SCHIP1: variants seen among roughly 807,000 people sequenced by gnomAD.
SCHIP1 encodes the protein schwannomin-interacting protein 1.
In SCHIP1, 8 loss-of-function variants were observed where a neutral mutation model predicts 29.7. The observed-to-expected ratio is 0.27, with a 90% confidence interval of 0.16 to 0.49. The LOEUF (loss-of-function observed/expected upper bound fraction) is 0.49. Ranked by LOEUF, SCHIP1 falls within the 20% of genes least tolerant of loss-of-function variation. The pLI is 0.99. For synonymous variants in SCHIP1, 76 were observed against 94.9 expected (o/e 0.80, Z 1.16); for missense variants, 193 against 294.6 (o/e 0.66, Z 2.52).
At chr3:159,705,349 G>A in the SCHIP1 span, among the ~76,000 whole-genome samples, 2 of 152,112 alleles carry the variant, frequency 1.3e-5, no homozygotes, top group African/African-American at 4.8e-5. Context: ...AGGAAAGTAG[G>A]ATGGTTAAAT....
chr3:159,404,235 T>C, the SCHIP1 span, among the ~76,000 whole-genome samples: 5 of 152,112 alleles, frequency 3.3e-5, no homozygotes, highest in African/African-American at 1.2e-4. Flanking sequence ...AAGGAATCCT[T>C]CTGCTTGAGA....
chr3:159,837,312 G>A (rs570950954), upstream of SCHIP1, among the ~76,000 whole-genome samples: 1 of 152,318 alleles, frequency 6.6e-6, no homozygotes, highest in East Asian at 1.9e-4. Context: ...TGAAGTTAGA[G>A]CTGTTCTGTC....
At chr3:159,844,255 T>A (rs1711518032) in intron 1 of SCHIP1, among the ~76,000 whole-genome samples, 1 of 152,178 alleles carries the variant, frequency 6.6e-6, no homozygotes, top group African/African-American at 2.4e-5. Flanking sequence ...TCTAAATGGA[T>A]GATTTGTTTT....
chr3:159,546,923 T>C, the SCHIP1 span, among the ~76,000 whole-genome samples: 3 of 152,190 alleles, frequency 2.0e-5, no homozygotes, highest in East Asian at 5.8e-4. Context: ...TTATAATCCT[T>C]TGGGTATATA....
At chr3:159,713,232 GGA>G in the SCHIP1 span, among the ~76,000 whole-genome samples, 3 of 99,410 alleles carry the variant, frequency 3.0e-5, no homozygotes, top group East Asian at 2.7e-4. Flanking sequence ...GAGAAAGAAA[GGA>G]AGAAAGAAAG....
chr3:159,813,934 G>C, the SCHIP1 span, among the ~76,000 whole-genome samples: 1 of 152,176 alleles, frequency 6.6e-6, no homozygotes, highest in African/African-American at 2.4e-5. Context: ...ATAGAAAACA[G>C]ACAACTATCC....
At chr3:159,646,359 T>G in the SCHIP1 span, among the ~76,000 whole-genome samples, 80 of 152,280 alleles carry the variant, frequency 5.3e-4, no homozygotes, top group Non-Finnish European at 3.2e-4. Flanking sequence ...ACAGGGGCAG[T>G]GTAATGTCTT....
the SCHIP1 span, among the ~76,000 whole-genome samples, chr3:159,385,847 C>A: frequency 1.3e-5 from 2 of 152,040 alleles, no homozygotes; most frequent in African/African-American, 2.4e-5. Flanking sequence ...CCTCCCCTAG[C>A]CCCCCATCCC....
At chr3:159,447,955 A>G in the SCHIP1 span, among the ~76,000 whole-genome samples, 1 of 152,152 alleles carries the variant, frequency 6.6e-6, no homozygotes, top group Non-Finnish European at 1.5e-5. Context: ...ATAGTGTGCT[A>G]TGGAACAAGG....
the SCHIP1 span, among the ~76,000 whole-genome samples, chr3:159,565,473 A>G: frequency 1.3e-5 from 2 of 152,110 alleles, no homozygotes; most frequent in African/African-American, 4.8e-5. Context: ...CTATGTTTCT[A>G]TCCATCCCTG....
the SCHIP1 span, among the ~76,000 whole-genome samples, chr3:159,419,844 G>T: frequency 2.0e-4 from 31 of 152,232 alleles, no homozygotes; most frequent in South Asian, 5.6e-3. Context: ...TATAATTGTG[G>T]ACAGCCAGGT....
the SCHIP1 span, among the ~76,000 whole-genome samples, chr3:159,474,395 A>G: frequency 1.4e-3 from 212 of 152,274 alleles, no homozygotes; most frequent in South Asian, 0.024. Flanking sequence ...AGCTTTGACA[A>G]CTTCTAAAAT....
At chr3:159,650,566 C>A in the SCHIP1 span, among the ~76,000 whole-genome samples, 3 of 152,008 alleles carry the variant, frequency 2.0e-5, no homozygotes, top group African/African-American at 7.2e-5. Context: ...TGTATATATC[C>A]TTTGAACACT....
At chr3:159,497,318 T>C in the SCHIP1 span, among the ~76,000 whole-genome samples, 341 of 152,144 alleles carry the variant, frequency 2.2e-3, 3 homozygotes, top group East Asian at 0.061. Context: ...TTCAAGTTGA[T>C]ACCACTCTTT....
chr3:159,829,787 G>C, the SCHIP1 span, among the ~76,000 whole-genome samples: 1 of 152,206 alleles, frequency 6.6e-6, no homozygotes, highest in Non-Finnish European at 1.5e-5. Context: ...TTCAGTGCCA[G>C]GTTAGGATCA....
the SCHIP1 span, among the ~76,000 whole-genome samples, chr3:159,353,830 T>A: frequency 6.6e-6 from 1 of 152,184 alleles, no homozygotes; most frequent in African/African-American, 2.4e-5. Context: ...TAAACTAGAA[T>A]GGAAAATCCA....
At chr3:159,841,757 A>G (rs949468372) in intron 1 of SCHIP1, among the ~76,000 whole-genome samples, 2 of 152,218 alleles carry the variant, frequency 1.3e-5, no homozygotes, top group African/African-American at 4.8e-5. Flanking sequence ...TTTATTTTAC[A>G]TGAGCTGCAA....
At chr3:159,667,873 G>A in the SCHIP1 span, among the ~76,000 whole-genome samples, 7 of 152,116 alleles carry the variant, frequency 4.6e-5, no homozygotes, top group Non-Finnish European at 8.8e-5. Flanking sequence ...GTCTCACCAC[G>A]GATGCTGCAT....
the SCHIP1 span, among the ~76,000 whole-genome samples, chr3:159,710,407 G>T: frequency 2.7e-4 from 41 of 152,148 alleles, no homozygotes; most frequent in Non-Finnish European, 5.6e-4. Flanking sequence ...CAGGCAGAGC[G>T]AGGGGAAATG....
Sources: allele counts gnomAD v4.1 joint callset (sites outside exome capture counted in the v4.1 genomes callset), GRCh38; gene constraint gnomAD v4.1.1; transcripts MANE v1.5; gene names NCBI Gene and HGNC (gene_info 2026-07-23, HGNC 2026-07-21).